The following NFIX variants were observed in gnomAD, a reference collection of about 807,000 sequenced individuals.
NFIX encodes the protein nuclear factor 1 X-type.
NFIX carries 2 observed loss-of-function variants against 53.3 expected under a neutral mutation model. The ratio of observed to expected loss-of-function variants is 0.04; its 90% CI spans 0.02 to 0.12. The LOEUF (loss-of-function observed/expected upper bound fraction) is 0.12, where lower values mean the gene tolerates loss of function less well. Ranked by LOEUF, NFIX falls within the 10% of genes least tolerant of loss-of-function variation. The pLI is 1.00. For missense variants in NFIX, 310 were observed against 674.5 expected, an observed-to-expected ratio of 0.46 and a Z score of 5.99; for synonymous variants, 244 against 289.0, an observed-to-expected ratio of 0.84 and a Z score of 1.58.
Position 13,094,744 on chromosome 19 carries a change from C to G in NFIX, c.*95C>G. Reference sequence around the variant, plus strand: ...GAATGGAAAAATCCCCCAGCCCAGCCCAGCCCCACCGAAAAGCAAAAATTA... The same window carrying G: ...GAATGGAAAAATCCCCCAGCCCAGCGCAGCCCCACCGAAAAGCAAAAATTA... On this transcript the variant is annotated 3_prime_UTR_variant, in exon 11 of 11. Coordinates refer to ENST00000592199, the MANE Select transcript of NFIX (RefSeq NM_001365902.3). This position sits in a 1 kb window ranked among gnomAD's most constrained non-coding sequence, Gnocchi z 4.3. 1.5e-6 allele frequency: 2 copies of G among 1,360,310 alleles called. No individual in the cohort carries two copies. Among genetic ancestry groups the G allele is most frequent in the Non-Finnish European group, 2.0e-6 (2 of 992,054 alleles). 84.3% of individuals were successfully genotyped at this position (1,360,310 alleles called of 1,614,324 possible).
In NFIX at chr19:13,012,258, CG is replaced by C; in HGVS notation, c.28-12758del. The C allele has an allele frequency of 6.6e-6, 1 of 152,520 alleles. No homozygotes were observed. Among genetic ancestry groups the C allele is most frequent in the Non-Finnish European group, 1.5e-5 (1 of 68,210 alleles). The allele number at this position is 152,520 out of a possible 1,614,324, so 9.4% of individuals were successfully genotyped here. A position where few individuals can be genotyped will look rare whatever the true frequency, so the allele number is the denominator to read the frequency against. On this transcript the variant is annotated intron_variant, in intron 1 of 10. Transcript: ENST00000592199. This position sits in a 1 kb window ranked among gnomAD's most constrained non-coding sequence, Gnocchi z 5.0. ...AGTGGAGAGTGGGGACCGCGGACCC[CG>C]GGGGCAGGTGAGGGGAAACTGGGAG...
Position 13,072,303 on chromosome 19 carries a change from T to G in NFIX, c.560-744T>G, listed in dbSNP as rs2016822253. Among the ~76,000 whole-genome samples the G allele has an allele frequency of 6.6e-6, 1 of 152,046 alleles. No homozygotes were observed. Among genetic ancestry groups the G allele is most frequent in the Admixed American group, 6.5e-5 (1 of 15,268 alleles). ...ACCCTGCCCCCAGCCCTCTGTGAGC[T>G]CCCACTGCACAATGAGCCCTTGTCT... On this transcript the variant is annotated intron_variant, in intron 2 of 10. Coordinates refer to ENST00000592199, the MANE Select transcript of NFIX (RefSeq NM_001365902.3). The surrounding 1 kb of genome is among the most constrained non-coding windows in gnomAD (Gnocchi z 4.0).
chr19:13,076,915 G>T (rs1172337620), intron 6 of NFIX, among the ~76,000 whole-genome samples: 1 of 152,170 alleles, frequency 6.6e-6, no homozygotes, highest in East Asian at 1.9e-4. Context: ...GCCAGCAGAG[G>T]CTGGCCTCTG....
In NFIX at chr19:13,088,346, C is replaced by T. The variant is rs942987479; in HGVS notation, c.1402+210C>T. On this transcript the variant is annotated intron_variant, in intron 9 of 10. Coordinates refer to ENST00000592199, the MANE Select transcript of NFIX (RefSeq NM_001365902.3). This position sits in a 1 kb window ranked among gnomAD's most constrained non-coding sequence, Gnocchi z 5.9. ...GCCAGCACCCCACGAGCCCCCTGCCCGCTGCTCCCAGCCGGGGCCCCTGGC... is the reference window on the plus strand; with the variant it reads ...GCCAGCACCCCACGAGCCCCCTGCCTGCTGCTCCCAGCCGGGGCCCCTGGC... 5.3e-5 allele frequency among the ~76,000 whole-genome samples: 8 copies of T among 152,106 alleles called. No homozygotes were observed. Among genetic ancestry groups the T allele is most frequent in the South Asian group, 2.1e-4 (1 of 4,826 alleles).
In NFIX at chr19:13,028,611, G is replaced by A. The variant is rs1214678206; in HGVS notation, c.559+3059G>A. Among the ~76,000 whole-genome samples the A allele has an allele frequency of 6.6e-6, 1 of 152,224 alleles. No homozygotes were observed. Among genetic ancestry groups the A allele is most frequent in the African/African-American group, 2.4e-5 (1 of 41,460 alleles). On this transcript the variant is annotated intron_variant, in intron 2 of 10. Coordinates refer to ENST00000592199, the MANE Select transcript of NFIX (RefSeq NM_001365902.3). This position sits in a 1 kb window ranked among gnomAD's most constrained non-coding sequence, Gnocchi z 4.2. ...GGTCCAAAAGGCTGCCATGCGGCTGGCCTTCCTGCTGGGAAGGAGTCTGTC... is the reference window on the plus strand; with the variant it reads ...GGTCCAAAAGGCTGCCATGCGGCTGACCTTCCTGCTGGGAAGGAGTCTGTC...
At chr19:12,997,337 C>G (rs980913909) in intron 1 of NFIX, among the ~76,000 whole-genome samples, 1 of 152,226 alleles carries the variant, frequency 6.6e-6, no homozygotes, top group Non-Finnish European at 1.5e-5. Flanking sequence ...CATGGGCAGG[C>G]CTGCGTGGCA....
chr19:13,014,509 C>T lies in NFIX; in HGVS notation c.28-10512C>T, dbSNP rs919500998. 2 of 152,256 alleles carry T rather than the reference C, an allele frequency of 1.3e-5. No individual in the cohort carries two copies. Among genetic ancestry groups the T allele is most frequent in the Non-Finnish European group, 2.9e-5 (2 of 68,042 alleles). The allele number at this position is 152,256 out of a possible 1,614,324, so 9.4% of individuals were successfully genotyped here. A position where few individuals can be genotyped will look rare whatever the true frequency, so the allele number is the denominator to read the frequency against. Reference sequence around the variant, plus strand: ...CTTCGCTGCCTACTCTGCATCCTCTCCCCTAAAAAGAATCAAGTATTTCTA... The same window carrying T: ...CTTCGCTGCCTACTCTGCATCCTCTTCCCTAAAAAGAATCAAGTATTTCTA... On this transcript the variant is annotated intron_variant, in intron 1 of 10. Coordinates refer to ENST00000592199, the MANE Select transcript of NFIX (RefSeq NM_001365902.3). The surrounding 1 kb of genome is among the most constrained non-coding windows in gnomAD (Gnocchi z 4.4).
intron 2 of NFIX, among the ~76,000 whole-genome samples, chr19:13,042,449 G>A (rs1335856668): frequency 6.7e-6 from 1 of 148,592 alleles, no homozygotes; most frequent in African/African-American, 2.5e-5. Flanking sequence ...CTACCTCCAG[G>A]GTTCAAGCAA....
intron 1 of NFIX, among the ~76,000 whole-genome samples, chr19:13,019,733 T>TTG (rs1456894405): frequency 9.7e-6 from 1 of 102,820 alleles, no homozygotes; most frequent in African/African-American, 2.9e-5. Flanking sequence ...GTTTGTTTGT[T>TTG]TTTTTTTTTT....
At chr19:13,024,715 T>C in intron 1 of NFIX, 4 of 1,535,624 alleles carry the variant, frequency 2.6e-6, no homozygotes, top group Non-Finnish European at 2.6e-6. Flanking sequence ...TCTGTGCGCG[T>C]GTGTGTGAGT....
At chr19:13,026,744 C>CTCTG (rs545440885) in intron 2 of NFIX, among the ~76,000 whole-genome samples, 111 of 150,010 alleles carry the variant, frequency 7.4e-4, no homozygotes, top group Non-Finnish European at 1.1e-3. Context: ...CTCTCTCTCT[C>CTCTG]TGTGTGTGTG....
At chr19:13,023,975 CTTTT>C in intron 1 of NFIX, 1 of 1,284,120 alleles carries the variant, frequency 7.8e-7, no homozygotes, top group Non-Finnish European at 1.0e-6. Flanking sequence ...ACTCACAACT[CTTTT>C]GAGTCCAGAA....
At chr19:13,055,323 A>G (rs2015593543) in intron 2 of NFIX, among the ~76,000 whole-genome samples, 1 of 145,320 alleles carries the variant, frequency 6.9e-6, no homozygotes, top group African/African-American at 2.5e-5. Context: ...ACCCAGGCCC[A>G]GCAGCCTGCC....
rs911816282 is a variant in NFIX at position 13,002,809 on chromosome 19, G to A, written c.27+6945G>A. ...ACTGGGCCCCACCCTGAGGGGAGCC[G>A]GGGGTGGTGGCCAGCAGTGGGCAGG... is the stretch of plus-strand genomic sequence containing the variant. On this transcript the variant is annotated intron_variant, in intron 1 of 10. Coordinates refer to ENST00000592199, the MANE Select transcript of NFIX (RefSeq NM_001365902.3). The surrounding 1 kb of genome is among the most constrained non-coding windows in gnomAD (Gnocchi z 6.1). Among the ~76,000 whole-genome samples the A allele has an allele frequency of 7.2e-5, 11 of 152,288 alleles. No homozygotes were observed. Among genetic ancestry groups the A allele is most frequent in the African/African-American group, 2.4e-4 (10 of 41,578 alleles).
Position 13,027,175 on chromosome 19 carries a change from C to T in NFIX, c.559+1623C>T, listed in dbSNP as rs2013431584. 6.6e-6 allele frequency among the ~76,000 whole-genome samples: 1 copy of T among 152,170 alleles called. No homozygotes were observed. Among genetic ancestry groups the T allele is most frequent in the Non-Finnish European group, 1.5e-5 (1 of 68,032 alleles). ...GGTTAGAAGCAGGGGACACCACTCTCACCCCCCAAGTCTCTACCTACTTCT... is the reference window on the plus strand; with the variant it reads ...GGTTAGAAGCAGGGGACACCACTCTTACCCCCCAAGTCTCTACCTACTTCT... On this transcript the variant is annotated intron_variant, in intron 2 of 10. Transcript: ENST00000592199. The surrounding 1 kb of genome is among the most constrained non-coding windows in gnomAD (Gnocchi z 4.3).
intron 8 of NFIX, among the ~76,000 whole-genome samples, chr19:13,084,894 A>AC (rs1484504957): frequency 6.6e-6 from 1 of 151,578 alleles, no homozygotes; most frequent in Non-Finnish European, 1.5e-5. Flanking sequence ...ACATGGAGAA[A>AC]CCCCGTCTCT....
chr19:13,007,873 G>T (rs759610848), intron 1 of NFIX, among the ~76,000 whole-genome samples: 12 of 152,144 alleles, frequency 7.9e-5, no homozygotes, highest in Non-Finnish European at 1.2e-4. Context: ...TTTCGGTGGG[G>T]GGGTGCTCCA....
intron 2 of NFIX, among the ~76,000 whole-genome samples, chr19:13,053,390 A>G (rs2145327257): frequency 6.6e-6 from 1 of 152,102 alleles, no homozygotes; most frequent in East Asian, 1.9e-4. Flanking sequence ...AAGTTTCCCA[A>G]ACTTTTCCAG....
rs948360663 is a variant in NFIX, at chr19:13,036,957, A to C, written c.559+11405A>C. Among the ~76,000 whole-genome samples, 7 of 152,160 alleles carry C rather than the reference A, an allele frequency of 4.6e-5. No individual in the cohort carries two copies. The highest frequency in any genetic ancestry group is 1.7e-4 in the African/African-American group (7 of 41,420). On this transcript the variant is annotated intron_variant, in intron 2 of 10. Coordinates refer to ENST00000592199, the MANE Select transcript of NFIX (RefSeq NM_001365902.3). This position sits in a 1 kb window ranked among gnomAD's most constrained non-coding sequence, Gnocchi z 4.7. ...AATGCTCCCGGGGGACCAAGTGAAGAAAGGCCTTTAAAGGGAGGAGGCAAA... is the reference window on the plus strand; with the variant it reads ...AATGCTCCCGGGGGACCAAGTGAAGCAAGGCCTTTAAAGGGAGGAGGCAAA...
Sources: allele counts gnomAD v4.1 joint callset (sites outside exome capture counted in the v4.1 genomes callset), GRCh38; gene constraint gnomAD v4.1.1; non-coding constraint Gnocchi (gnomAD v3.1); transcripts MANE v1.5; gene names NCBI Gene and HGNC (gene_info 2026-07-23, HGNC 2026-07-21).